The following TNPO3 variants were observed in gnomAD, a reference collection of about 807,000 sequenced individuals.
TNPO3 encodes the protein transportin 3.
In TNPO3, 65 loss-of-function variants were observed where a neutral mutation model predicts 122.8. The ratio of observed to expected loss-of-function variants is 0.53; its 90% CI spans 0.43 to 0.65. The LOEUF is 0.65. TNPO3 is among the 30% of genes least tolerant of loss of function. The pLI, the probability that TNPO3 is intolerant of heterozygous loss-of-function variation, is 0.00. For missense variants in TNPO3, 850 were observed against 1,136.7 expected (o/e 0.75, Z 3.63); for synonymous variants, 372 against 411.2 (o/e 0.90, Z 1.15).
Position 129,007,231 on chromosome 7 carries a change from G to A in TNPO3, c.553-2072C>T, listed in dbSNP as rs527763018. On this transcript the variant is annotated intron_variant, in intron 4 of 22. Transcript: ENST00000265388. ...ACAGTCAAGTAACTCGCCCAATATG[G>A]CACAGGTAGGAAACAGCATAGCCAG... 1.1e-3 allele frequency among the ~76,000 whole-genome samples: 172 copies of A among 152,254 alleles called. 1 individual carries two copies. The highest frequency in any genetic ancestry group is 4.1e-3 in the African/African-American group (170 of 41,520).
intron 4 of TNPO3, among the ~76,000 whole-genome samples, chr7:129,005,619 C>T (rs1476621148): frequency 1.3e-5 from 2 of 151,860 alleles, no homozygotes. Flanking sequence ...TCTCTCCTGC[C>T]GGCCGTGTGA....
intron 17 of TNPO3, 28 bp from the exon 18 acceptor site, chr7:128,974,990 A>G: frequency 8.2e-6 from 13 of 1,589,960 alleles, no homozygotes; most frequent in Non-Finnish European, 1.1e-5. Context: ...TTTTAAAAGA[A>G]ATGCTTTTTC....
intron 1 of TNPO3, among the ~76,000 whole-genome samples, chr7:129,050,656 G>A (rs1465260402): frequency 6.6e-6 from 1 of 152,090 alleles, no homozygotes. Context: ...TGAAAAACAA[G>A]AGATTAAATT....
At chr7:128,972,962 A>T (rs1213776529) in intron 18 of TNPO3, among the ~76,000 whole-genome samples, 1 of 152,174 alleles carries the variant, frequency 6.6e-6, no homozygotes. Context: ...ATATGGGAGC[A>T]ACTTTTCACT....
At chr7:129,044,780 C>T (rs1807822130) in intron 1 of TNPO3, among the ~76,000 whole-genome samples, 2 of 152,234 alleles carry the variant, frequency 1.3e-5, no homozygotes, top group South Asian at 4.1e-4. Flanking sequence ...ATCTGGGAAA[C>T]AGTATGGCAG....
rs530645944 is a variant in TNPO3, at chr7:128,979,144, C to A, written c.1921-21G>T. 4.2e-5 allele frequency: 67 copies of A among 1,612,072 alleles called. 1 individual carries two copies. The South Asian group carries it at 5.5e-4, about 13-fold the overall frequency. On this transcript the variant is annotated intron_variant, in intron 15 of 22. Transcript: ENST00000265388. Reference sequence around the variant, plus strand: ...CATATCTGGGTCAAAAGTAAAAGAGCACAAGAAAGAAAATAATCAACAACT... The same window carrying A: ...CATATCTGGGTCAAAAGTAAAAGAGAACAAGAAAGAAAATAATCAACAACT...
At chr7:128,997,574 G>A (rs2150368543) in intron 7 of TNPO3, 39 bp from the exon 8 acceptor site, 1 of 1,556,776 alleles carries the variant, frequency 6.4e-7, no homozygotes. Context: ...GAATGGGAAA[G>A]GAATAGAATA....
intron 1 of TNPO3, chr7:129,028,983 A>G (rs1368302303): frequency 4.5e-6 from 2 of 440,176 alleles, no homozygotes; most frequent in Non-Finnish European, 8.9e-6. Flanking sequence ...AAAATTAATG[A>G]ATTTTCTTCT....
intron 20 of TNPO3, 143 bp downstream of exon 20, chr7:128,970,005 A>C: frequency 1.2e-6 from 1 of 820,594 alleles, no homozygotes; most frequent in Non-Finnish European, 1.9e-6. Flanking sequence ...CTCTTCATCT[A>C]CCAATCTAAT....
chr7:128,981,146 G>T (rs544210740), intron 14 of TNPO3, among the ~76,000 whole-genome samples: 2 of 152,266 alleles, frequency 1.3e-5, no homozygotes, highest in South Asian at 4.2e-4. Context: ...TAGGTTCTCA[G>T]AATAGCATGT....
chr7:129,013,247 A>G (rs928215363), intron 4 of TNPO3, among the ~76,000 whole-genome samples: 3 of 152,288 alleles, frequency 2.0e-5, no homozygotes, highest in Non-Finnish European at 2.9e-5. Context: ...TCTCTTAAGT[A>G]AGACCTCAAA....
intron 1 of TNPO3, among the ~76,000 whole-genome samples, chr7:129,026,946 C>T (rs948789553): frequency 5.3e-5 from 8 of 152,096 alleles, no homozygotes; most frequent in South Asian, 4.2e-4. Context: ...GCATACATCA[C>T]GGCACCCAGC....
chr7:128,985,374 C>T (rs2150335357), intron 12 of TNPO3, among the ~76,000 whole-genome samples: 2 of 152,300 alleles, frequency 1.3e-5, no homozygotes, highest in Middle Eastern at 3.4e-3. Context: ...GCAGGAGGAT[C>T]ACTTGAAGCC....
intron 14 of TNPO3, among the ~76,000 whole-genome samples, chr7:128,980,638 C>T (rs746146288): frequency 2.0e-5 from 3 of 151,794 alleles, no homozygotes; most frequent in Admixed American, 6.6e-5. Context: ...TGCAGTGAAC[C>T]GAGATCACAC....
At position 129,054,617 on chromosome 7, in the gene TNPO3, G is replaced by T. The variant is rs757391477; in HGVS notation, c.120+34C>A. The T allele has an allele frequency of 7.4e-6, 12 of 1,610,882 alleles. No individual in the cohort carries two copies. The African/African-American group carries it at 1.6e-4, about 22-fold the overall frequency. On this transcript the variant is annotated intron_variant, in intron 1 of 22. Coordinates refer to ENST00000265388, the MANE Select transcript of TNPO3 (RefSeq NM_012470.4). ...GCCTAGGTTCCACCCCGCCCCGGCC[G>T]TGCGGCACAGAACTGCCTCTCTGGG... is the stretch of plus-strand genomic sequence containing the variant.
chr7:128,962,618 AG>A lies in TNPO3; in HGVS notation c.2711+4661del, dbSNP rs200375720. On this transcript the variant is annotated intron_variant, in intron 21 of 22. Coordinates refer to ENST00000265388, the MANE Select transcript of TNPO3 (RefSeq NM_012470.4). Reference sequence around the variant, plus strand: ...ATTCTAGAGGAAGAGAATTACTAAGAGGGGATGAGCAATCTCAAGTCCTTTC... The same window carrying A: ...ATTCTAGAGGAAGAGAATTACTAAGAGGGATGAGCAATCTCAAGTCCTTTC... 4.5e-3 allele frequency among the ~76,000 whole-genome samples: 686 copies of A among 152,338 alleles called. 7 individuals carry two copies. The highest frequency in any genetic ancestry group is 6.8e-3 in the Middle Eastern group (2 of 294).
chr7:129,053,082 T>TG (rs1808973246), intron 1 of TNPO3, among the ~76,000 whole-genome samples: 1 of 152,116 alleles, frequency 6.6e-6, no homozygotes, highest in African/African-American at 2.4e-5. Flanking sequence ...CCCAGCACTT[T>TG]GGGAGGCCGA....
intron 4 of TNPO3, among the ~76,000 whole-genome samples, chr7:129,011,792 A>T (rs1803228174): frequency 6.6e-6 from 1 of 152,202 alleles, no homozygotes; most frequent in African/African-American, 2.4e-5. Context: ...ATTTGGGCTT[A>T]AAAAATCTGT....
At chr7:129,000,636 T>C in intron 6 of TNPO3, 69 bp from the exon 7 acceptor site, 7 of 1,440,854 alleles carry the variant, frequency 4.9e-6, no homozygotes, top group Non-Finnish European at 5.7e-6. Context: ...ACAGGCACAG[T>C]TAATCAAATA....
Sources: gnomAD v4.1 joint callset for allele counts (sites outside exome capture counted in the v4.1 genomes callset) on GRCh38, gnomAD v4.1.1 for gene constraint, MANE v1.5 for transcripts, NCBI Gene and HGNC (gene_info 2026-07-23, HGNC 2026-07-21) for gene names.